The following COL4A6 variants were observed in gnomAD, a reference collection of about 807,000 sequenced individuals.
The protein encoded by COL4A6 is collagen alpha-6(IV) chain.
COL4A6 carries 59 observed loss-of-function variants against 126.7 expected under a neutral mutation model. The ratio of observed to expected loss-of-function variants is 0.47; its 90% CI spans 0.38 to 0.58. COL4A6 has a LOEUF of 0.58. COL4A6 is among the 20% of genes least tolerant of loss of function. COL4A6 has a pLI of 0.00. For missense variants in COL4A6, 1,285 were observed against 1,337.3 expected, an observed-to-expected ratio of 0.96 and a Z score of 0.61; for synonymous variants, 547 against 496.6, an observed-to-expected ratio of 1.10 and a Z score of -1.35.
At chrX:108,378,580 G>A (rs368859270) in intron 2 of COL4A6, among the ~76,000 whole-genome samples, 3 of 112,449 alleles carry the variant, frequency 2.7e-5, no homozygotes, top group African/African-American at 6.5e-5. Context: ...TTCACTTGAC[G>A]TTAGATGCAG....
intron 2 of COL4A6, among the ~76,000 whole-genome samples, chrX:108,336,454 G>A (rs1412322816): frequency 9.0e-6 from 1 of 111,291 alleles, no homozygotes. Flanking sequence ...AGAGACAAAA[G>A]ATTAGTGGTT....
intron 3 of COL4A6, among the ~76,000 whole-genome samples, chrX:108,255,845 C>T (rs930963455): frequency 1.8e-5 from 2 of 111,496 alleles, no homozygotes; most frequent in Non-Finnish European, 3.8e-5. Flanking sequence ...ATGATCAAGG[C>T]TTCATAGAAA....
chrX:108,281,996 C>T (rs1437831902), intron 3 of COL4A6, among the ~76,000 whole-genome samples: 2 of 110,362 alleles, frequency 1.8e-5, no homozygotes, highest in Non-Finnish European at 1.9e-5. Flanking sequence ...AAAATTAATT[C>T]GAGATGGATT....
intron 2 of COL4A6, among the ~76,000 whole-genome samples, chrX:108,342,983 T>C (rs1266535833): frequency 2.8e-5 from 3 of 108,959 alleles, no homozygotes; most frequent in African/African-American, 1.0e-4. Flanking sequence ...CATAGAGTTG[T>C]TCCAAGTGAC....
chrX:108,277,754 A>G (rs1025581036), intron 3 of COL4A6, among the ~76,000 whole-genome samples: 1 of 111,875 alleles, frequency 8.9e-6, no homozygotes, highest in African/African-American at 3.3e-5. Context: ...GCAGGGGCAG[A>G]CTGACACCTC....
intron 2 of COL4A6, among the ~76,000 whole-genome samples, chrX:108,319,553 C>G (rs1414710983): frequency 9.0e-6 from 1 of 111,285 alleles, no homozygotes; most frequent in African/African-American, 3.3e-5. Context: ...TCCTGGAAAG[C>G]AAGGAGGAAA....
intron 2 of COL4A6, among the ~76,000 whole-genome samples, chrX:108,369,873 A>G (rs908122585): frequency 1.8e-5 from 2 of 112,541 alleles, no homozygotes; most frequent in Non-Finnish European, 3.8e-5. Flanking sequence ...AACCACAGAT[A>G]TTAGTTAAAT....
At position 108,177,017 on chromosome X, in the gene COL4A6, T is replaced by A; in HGVS notation, c.2516-6A>T. 1 of 1,207,879 alleles carries A rather than the reference T, an allele frequency of 8.3e-7. No individual in the cohort carries two copies. The stretch of plus-strand genomic sequence containing the variant: ...TCCTTTCTTTCCAGGATGTCCTGAA[T>A]AAGCACAGGAGAGAACACAGGACAG... On this transcript the variant is annotated splice_region_variant and splice_polypyrimidine_tract_variant and intron_variant, in intron 27 of 44. Transcript: ENST00000334504.
rs760764308 is a variant in COL4A6 at position 108,358,540 on chromosome X, G to A, written c.64-47712C>T. Reference sequence around the variant, plus strand: ...CTCCCGAGTAGCTGGGACCACAGGCGTGAGCCACTGCACCTGGCTAATTTT... The same window carrying A: ...CTCCCGAGTAGCTGGGACCACAGGCATGAGCCACTGCACCTGGCTAATTTT... On this transcript the variant is annotated intron_variant, in intron 2 of 44. Coordinates refer to ENST00000334504, the MANE Select transcript of COL4A6 (RefSeq NM_033641.4). 1.1e-4 allele frequency among the ~76,000 whole-genome samples: 12 copies of A among 110,078 alleles called. No individual in the cohort carries two copies. The East Asian group carries it at 1.1e-3, about 11-fold the overall frequency.
At position 108,191,376 on chromosome X, in the gene COL4A6, A is replaced by T. The variant is rs1569342968; in HGVS notation, c.1321+17T>A. 8.3e-7 allele frequency: 1 copy of T among 1,205,922 alleles called. No homozygotes were observed. Among genetic ancestry groups the T allele is most frequent in the African/African-American group, 1.7e-5 (1 of 57,572 alleles). ...ACATCTGAATCTTGAGACCAAAAAG[A>T]GAAATGAGTAACTTACTAGGTGGGC... On this transcript the variant is annotated intron_variant, in intron 19 of 44. Coordinates refer to ENST00000334504, the MANE Select transcript of COL4A6 (RefSeq NM_033641.4).
rs770726601 is a variant in COL4A6 at position 108,164,872 on chromosome X, C to G, written c.3970+5G>C. The stretch of plus-strand genomic sequence containing the variant: ...AGGGCCCAGCAGCCAGCCGAGCAGC[C>G]GTACCTTTCAGTCCTAGCTCTCCAG... On this transcript the variant is annotated splice_donor_5th_base_variant and intron_variant, in intron 39 of 44. Coordinates refer to ENST00000334504, the MANE Select transcript of COL4A6 (RefSeq NM_033641.4). 1.3e-5 allele frequency: 15 copies of G among 1,198,664 alleles called. No homozygotes were observed. Among genetic ancestry groups the G allele is most frequent in the South Asian group, 3.6e-5 (2 of 55,517 alleles).
At chrX:108,253,704 T>A (rs1453685792) in intron 3 of COL4A6, among the ~76,000 whole-genome samples, 2 of 111,650 alleles carry the variant, frequency 1.8e-5, no homozygotes, top group East Asian at 2.8e-4. Context: ...CAAGTAAGAA[T>A]AAAGGATGCA....
At chrX:108,404,207 A>G (rs1176260121) in intron 2 of COL4A6, among the ~76,000 whole-genome samples, 1 of 112,210 alleles carries the variant, frequency 8.9e-6, no homozygotes, top group African/African-American at 3.2e-5. Flanking sequence ...ACACAGACTA[A>G]GACATATTAT....
intron 32 of COL4A6, among the ~76,000 whole-genome samples, chrX:108,171,895 CT>C (rs1468015560): frequency 8.9e-6 from 1 of 112,576 alleles, no homozygotes; most frequent in African/African-American, 3.2e-5. Flanking sequence ...AAAGGACAGC[CT>C]TTTCCTTGGA....
chrX:108,425,609 C>G (rs1248865454), intron 2 of COL4A6, among the ~76,000 whole-genome samples: 1 of 108,968 alleles, frequency 9.2e-6, no homozygotes, highest in Non-Finnish European at 1.9e-5. Context: ...TGACGGGTGC[C>G]TGTAGTACCA....
intron 3 of COL4A6, among the ~76,000 whole-genome samples, chrX:108,248,218 A>G (rs989257830): frequency 1.8e-5 from 2 of 111,976 alleles, no homozygotes; most frequent in Non-Finnish European, 3.8e-5. Flanking sequence ...ATATATTAGT[A>G]TAAGTATACA....
intron 2 of COL4A6, 59 bp downstream of exon 2, chrX:108,437,883 T>G (rs1319721019): frequency 4.3e-6 from 5 of 1,150,538 alleles, no homozygotes; most frequent in Admixed American, 2.2e-5. Flanking sequence ...ATACTAGAGA[T>G]GGGGATGGTT....
At chrX:108,358,892 T>C (rs941764908) in intron 2 of COL4A6, among the ~76,000 whole-genome samples, 2 of 111,622 alleles carry the variant, frequency 1.8e-5, no homozygotes, top group African/African-American at 3.3e-5. Flanking sequence ...AATGGAAAGC[T>C]AGGAGTCCTG....
intron 2 of COL4A6, among the ~76,000 whole-genome samples, chrX:108,330,957 T>G (rs774157680): frequency 8.9e-6 from 1 of 111,745 alleles, no homozygotes; most frequent in Non-Finnish European, 1.9e-5. Flanking sequence ...TTTTGCAAGG[T>G]TTCTCCTTCT....
Sources: allele counts gnomAD v4.1 joint callset (sites outside exome capture counted in the v4.1 genomes callset), GRCh38; gene constraint gnomAD v4.1.1; transcripts MANE v1.5; gene names NCBI Gene and HGNC (gene_info 2026-07-23, HGNC 2026-07-21).